ETF1: variants seen among roughly 807,000 people sequenced by gnomAD.
ETF1 encodes eukaryotic peptide chain release factor subunit 1.
In ETF1, 4 loss-of-function variants were observed where a neutral mutation model predicts 55.1. The observed-to-expected ratio is 0.07, with a 90% confidence interval of 0.04 to 0.17. ETF1 has a LOEUF of 0.17. Among genes scored for constraint, ETF1 ranks in the 10% least tolerant of loss-of-function variants. The pLI is 1.00. For missense variants in ETF1, 142 were observed against 523.6 expected, an observed-to-expected ratio of 0.27 and a Z score of 7.11; for synonymous variants, 157 against 182.3, an observed-to-expected ratio of 0.86 and a Z score of 1.12.
At chr5:138,529,228 A>G (rs1765597577) in intron 2 of ETF1, among the ~76,000 whole-genome samples, 4 of 152,208 alleles carry the variant, frequency 2.6e-5, no homozygotes, top group East Asian at 1.9e-4. Context: ...TCCAAACAAG[A>G]TAAACATTCA....
At chr5:138,514,370 A>G (rs154067) in intron 4 of ETF1, among the ~76,000 whole-genome samples, 65,715 of 151,912 alleles carry the variant, frequency 0.43, 14,716 homozygotes, top group East Asian at 0.79. Context: ...CCTGGGCAAC[A>G]TAGCGAAACA....
In ETF1 at chr5:138,540,812, T is replaced by A. The variant is rs1020468206; in HGVS notation, c.86+2021A>T. ...TACTGAACTTTGCTAAACAAAGAGG[T>A]AAAGCCTTCAAAAGCCTTAAAGAGG... is the stretch of plus-strand genomic sequence containing the variant. On this transcript the variant is annotated intron_variant, in intron 2 of 10. Coordinates refer to ENST00000360541, the MANE Select transcript of ETF1 (RefSeq NM_004730.4). Among the ~76,000 whole-genome samples, 5 of 152,198 alleles carry A rather than the reference T, an allele frequency of 3.3e-5. No individual in the cohort carries two copies. The South Asian group carries it at 1.0e-3, about 32-fold the overall frequency.
chr5:138,522,621 A>G (rs1479686678), intron 2 of ETF1, among the ~76,000 whole-genome samples: 1 of 152,196 alleles, frequency 6.6e-6, no homozygotes, highest in South Asian at 2.1e-4. Context: ...GAAACAACCC[A>G]TATGTCCAAC....
intron 2 of ETF1, among the ~76,000 whole-genome samples, chr5:138,536,926 A>C (rs776958608): frequency 9.2e-5 from 14 of 152,176 alleles, no homozygotes; most frequent in Admixed American, 2.0e-4. Context: ...CTCTGCCTTA[A>C]ATGATACTCT....
In ETF1 at chr5:138,543,091, C is replaced by T; in HGVS notation, c.-19+6G>A. The T allele has an allele frequency of 1.5e-6, 1 of 676,990 alleles. No individual in the cohort carries two copies. The highest frequency in any genetic ancestry group is 1.9e-5 in the South Asian group (1 of 52,774). The allele number at this position is 676,990 out of a possible 1,614,324, so 41.9% of individuals were successfully genotyped here. Reference sequence around the variant, plus strand: ...GGTCACCGGCCTTTCCCTCCCTGTGCCTTACCTAAGGGCCCAGTCCTGGGC... The same window carrying T: ...GGTCACCGGCCTTTCCCTCCCTGTGTCTTACCTAAGGGCCCAGTCCTGGGC... On this transcript the variant is annotated splice_donor_region_variant and intron_variant, in intron 1 of 10. Transcript: ENST00000360541.
chr5:138,541,278 C>T (rs757446336), intron 2 of ETF1, among the ~76,000 whole-genome samples: 1 of 152,212 alleles, frequency 6.6e-6, no homozygotes, highest in African/African-American at 2.4e-5. Flanking sequence ...TAACTGGTCA[C>T]TCTATCATAC....
intron 9 of ETF1, chr5:138,509,240 C>T (rs1764668810): frequency 1.2e-5 from 11 of 922,624 alleles, no homozygotes; most frequent in African/African-American, 1.8e-5. Context: ...ATCATTTAAA[C>T]CTATCTCATA....
chr5:138,508,165 T>C lies in ETF1; in HGVS notation c.*140A>G. On this transcript the variant is annotated 3_prime_UTR_variant, in exon 11 of 11. Coordinates refer to ENST00000360541, the MANE Select transcript of ETF1 (RefSeq NM_004730.4). ...GTCTGGTTTTGTTTCGGTTTTCTTT[T>C]CAATATCCAATGCTCATGGATTAAG... 9.1e-7 allele frequency: 1 copy of C among 1,099,096 alleles called. No individual in the cohort carries two copies. The highest frequency in any genetic ancestry group is 2.7e-5 in the East Asian group (1 of 37,586). The allele number at this position is 1,099,096 out of a possible 1,614,324, so 68.1% of individuals were successfully genotyped here. A position where few individuals can be genotyped will look rare whatever the true frequency, so the allele number is the denominator to read the frequency against.
At chr5:138,517,801 T>G (rs1036111366) in intron 3 of ETF1, 101 bp from the exon 4 acceptor site, 41 of 1,320,668 alleles carry the variant, frequency 3.1e-5, no homozygotes, top group Non-Finnish European at 3.9e-5. Context: ...CCTGATCCTT[T>G]AAGTCATAAT....
At chr5:138,526,101 A>T (rs2127103082) in intron 2 of ETF1, among the ~76,000 whole-genome samples, 1 of 152,304 alleles carries the variant, frequency 6.6e-6, no homozygotes, top group East Asian at 1.9e-4. Context: ...TTAGACTGCC[A>T]GAACCATCTA....
chr5:138,509,170 C>T, intron 9 of ETF1: 1 of 985,378 alleles, frequency 1.0e-6, no homozygotes, highest in Non-Finnish European at 1.2e-6. Flanking sequence ...CATTCCAGGA[C>T]TGCTTTTGGG....
At chr5:138,517,369 T>TAAAAAAAAAATAAA (rs60605686) in intron 4 of ETF1, among the ~76,000 whole-genome samples, 192 bp downstream of exon 4, 1 of 145,552 alleles carries the variant, frequency 6.9e-6, no homozygotes, top group Admixed American at 6.9e-5. Flanking sequence ...AGACTCCGTC[T>TAAAAAAAAAATAAA]AAAAAAAAAA....
At chr5:138,539,725 C>G (rs1449759120) in intron 2 of ETF1, among the ~76,000 whole-genome samples, 1 of 152,158 alleles carries the variant, frequency 6.6e-6, no homozygotes, top group Non-Finnish European at 1.5e-5. Flanking sequence ...AGTAATGTGG[C>G]CTCTATAAAT....
intron 2 of ETF1, among the ~76,000 whole-genome samples, chr5:138,530,292 T>C (rs918921724): frequency 1.3e-4 from 20 of 152,102 alleles, no homozygotes; most frequent in Non-Finnish European, 1.9e-4. Context: ...ATTTTTTTTT[T>C]CTCTGAGACA....
chr5:138,532,462 A>T (rs1290869015), intron 2 of ETF1, among the ~76,000 whole-genome samples: 1 of 152,220 alleles, frequency 6.6e-6, no homozygotes, highest in African/African-American at 2.4e-5. Context: ...CTTGGAGAGC[A>T]GATAGTAACT....
At chr5:138,538,647 C>T (rs1705854904) in intron 2 of ETF1, among the ~76,000 whole-genome samples, 1 of 151,932 alleles carries the variant, frequency 6.6e-6, no homozygotes, top group African/African-American at 2.4e-5. Context: ...TTAGCTACAA[C>T]CAGCCCTTCA....
At chr5:138,542,082 G>A (rs769294357) in intron 2 of ETF1, among the ~76,000 whole-genome samples, 26 of 152,244 alleles carry the variant, frequency 1.7e-4, no homozygotes, top group African/African-American at 6.0e-4. Context: ...AATGCCAGCA[G>A]GGACTCTGTA....
intron 2 of ETF1, among the ~76,000 whole-genome samples, chr5:138,532,928 A>G (rs1216620523): frequency 6.6e-6 from 1 of 152,064 alleles, no homozygotes; most frequent in Non-Finnish European, 1.5e-5. Context: ...TGTTTACAGT[A>G]AGTGTATATA....
At chr5:138,538,722 C>T (rs554370740) in intron 2 of ETF1, among the ~76,000 whole-genome samples, 29 of 152,110 alleles carry the variant, frequency 1.9e-4, no homozygotes, top group Non-Finnish European at 2.9e-4. Flanking sequence ...ATTTCCACCA[C>T]CATTTAGGTG....
Sources: allele counts gnomAD v4.1 joint callset (sites outside exome capture counted in the v4.1 genomes callset), GRCh38; gene constraint gnomAD v4.1.1; transcripts MANE v1.5; gene names NCBI Gene and HGNC (gene_info 2026-07-23, HGNC 2026-07-21).